The following ZNF658 variants were observed in gnomAD, a reference collection of about 807,000 sequenced individuals.
ZNF658 encodes zinc finger protein 658.
A neutral mutation model predicts 78.0 loss-of-function variants in ZNF658; 46 were observed. That is an observed-to-expected ratio of 0.59 (90% CI 0.47 to 0.75). ZNF658 has a LOEUF of 0.75. Ranked by LOEUF, ZNF658 falls within the 30% of genes least tolerant of loss-of-function variation. The probability of loss-of-function intolerance (pLI) is 0.00; values close to 1 mark genes in which losing one functional copy is unlikely to be tolerated. For missense variants in ZNF658, 785 were observed against 1,189.3 expected (o/e 0.66, Z 5.00); for synonymous variants, 279 against 408.4 (o/e 0.68, Z 3.82).
rs762500578 is a variant in ZNF658, at chr9:66,908,363, G to A, written c.141G>A (p.Val47=). Residue 47 remains valine (V), a splice_region_variant and synonymous_variant, in exon 3 of 5, where the codon GTG becomes GTA. Coordinates refer to ENST00000621410, the MANE Select transcript of ZNF658 (RefSeq NM_033160.7). The part of the protein sequence containing the change: ...MLENYSHLIS[V]GYCITKPKVI... ...AGAACTACAGCCACCTCATCTCAGT[G>A]GGTGAGCATAGCTTACCATGGGGCT... 10 of 1,614,088 alleles carry A rather than the reference G, an allele frequency of 6.2e-6. No individual in the cohort carries two copies. The highest frequency in any genetic ancestry group is 1.1e-5 in the South Asian group (1 of 91,072).
intron 4 of ZNF658, 115 bp from the exon 5 acceptor site, chr9:66,917,690 G>A (rs1822367387): frequency 1.1e-6 from 1 of 924,308 alleles, no homozygotes; most frequent in Non-Finnish European, 1.6e-6. Context: ...TCCAGCCTGG[G>A]TGACAGAGCA....
chr9:66,908,336 G>A lies in ZNF658; in HGVS notation c.114G>A (p.Leu38=), dbSNP rs1822129318. The A allele has an allele frequency of 6.2e-7, 1 of 1,614,070 alleles. No individual in the cohort carries two copies. Among genetic ancestry groups the A allele is most frequent in the Non-Finnish European group, 8.5e-7 (1 of 1,179,978 alleles). ...GGACGCTGTACAGAGATGTGATGCTGGAGAACTACAGCCACCTCATCTCAG... is the reference window on the plus strand; with the variant it reads ...GGACGCTGTACAGAGATGTGATGCTAGAGAACTACAGCCACCTCATCTCAG... ...VERTLYRDVM[L]ENYSHLISVG... is the part of the protein sequence containing the mutation. Residue 38 remains leucine (L), a synonymous_variant, in exon 3 of 5, where the codon CTG becomes CTA. Transcript: ENST00000621410.
chr9:66,904,732 C>T (rs1383941353), intron 2 of ZNF658, among the ~76,000 whole-genome samples: 1 of 152,168 alleles, frequency 6.6e-6, no homozygotes, highest in Admixed American at 6.5e-5. Context: ...TAACCTACTC[C>T]TCTATCTCCA....
chr9:66,904,707 G>A (rs1389947381), intron 2 of ZNF658, among the ~76,000 whole-genome samples: 1 of 152,002 alleles, frequency 6.6e-6, no homozygotes, highest in African/African-American at 2.4e-5. Flanking sequence ...TTCCCTCTGA[G>A]CCCCAAACAA....
chr9:66,909,825 T>G (rs1247945274), intron 4 of ZNF658, among the ~76,000 whole-genome samples: 2 of 152,194 alleles, frequency 1.3e-5, no homozygotes, highest in Non-Finnish European at 2.9e-5. Context: ...GCTAGGGCTA[T>G]CATAATAAAA....
At position 66,918,767 on chromosome 9, in the gene ZNF658, C is replaced by G; in HGVS notation, c.1201C>G (p.Gln401Glu). The G allele has an allele frequency of 6.2e-7, 1 of 1,613,958 alleles. No homozygotes were observed. The highest frequency in any genetic ancestry group is 8.5e-7 in the Non-Finnish European group (1 of 1,179,866). Residue 401 changes from glutamine to glutamate, a missense_variant, in exon 5 of 5, where the codon CAG becomes GAG. Around this residue, in one of 12 missense-constraint regions of ZNF658, gnomAD observed 393 missense variants for 400.2 expected, o/e 0.98. Coordinates refer to ENST00000621410, the MANE Select transcript of ZNF658 (RefSeq NM_033160.7). ...CTTTTACCGGAAAGCACACCTCATT[C>G]AGCATCAGAGGCCCCACTCAGGAGA... ...KSFYRKAHLI[Q>E]HQRPHSGEKT...
intron 4 of ZNF658, among the ~76,000 whole-genome samples, chr9:66,908,946 CA>C (rs1419264971): frequency 6.6e-6 from 1 of 152,192 alleles, no homozygotes; most frequent in Admixed American, 6.5e-5. Context: ...CATGTATAGA[CA>C]TTTTTTTCCT....
At chr9:66,915,496 T>C (rs1033738341) in intron 4 of ZNF658, among the ~76,000 whole-genome samples, 6 of 150,290 alleles carry the variant, frequency 4.0e-5, no homozygotes, top group African/African-American at 1.5e-4. Context: ...AAGAAGTGAG[T>C]GGTCTGTAAA....
rs545085875 is a variant in ZNF658, at chr9:66,902,308, G to A, written c.-44-1210G>A. ...ATATGACCGAGACCTCTTCTAGAGC[G>A]TCAGAGCAGAGGCAGAAGATTCTAG... On this transcript the variant is annotated intron_variant, in intron 1 of 4. Transcript: ENST00000621410. Among the ~76,000 whole-genome samples the A allele has an allele frequency of 1.3e-3, 172 of 132,972 alleles. 1 individual carries two copies. The highest frequency in any genetic ancestry group is 3.9e-3 in the African/African-American group (133 of 34,036). The allele number at this position is 132,972 out of a possible 152,430, so 87.2% of individuals were successfully genotyped here. A position where few individuals can be genotyped will look rare whatever the true frequency, so the allele number is the denominator to read the frequency against.
rs1225536513 is a variant in ZNF658, at chr9:66,920,260, A to G, written c.2694A>G (p.Arg898=). 7.5e-6 allele frequency: 12 copies of G among 1,610,558 alleles called. No individual in the cohort carries two copies. The highest frequency in any genetic ancestry group is 1.0e-5 in the Non-Finnish European group (12 of 1,178,200). ...GKTFSKTSHL[R]AHLRTRSGEK... is the part of the protein sequence containing the mutation. Reference sequence around the variant, plus strand: ...CTTTCTCCAAGACATCACATCTCAGAGCACATCTTAGAACTCGCTCAGGGG... The same window carrying G: ...CTTTCTCCAAGACATCACATCTCAGGGCACATCTTAGAACTCGCTCAGGGG... The change falls in exon 5 of 5, where the codon AGA becomes AGG. Residue 898 remains arginine, a synonymous_variant. Transcript: ENST00000621410.
At chr9:66,913,493 T>A (rs1320121664) in intron 4 of ZNF658, among the ~76,000 whole-genome samples, 2 of 151,724 alleles carry the variant, frequency 1.3e-5, no homozygotes, top group Non-Finnish European at 2.9e-5. Flanking sequence ...AGTGGGGAAC[T>A]GGACTTCCTT....
chr9:66,917,947 A>C lies in ZNF658; in HGVS notation c.381A>C (p.Ile127=). The C allele has an allele frequency of 6.2e-7, 1 of 1,610,514 alleles. No homozygotes were observed. Among genetic ancestry groups the C allele is most frequent in the Non-Finnish European group, 8.5e-7 (1 of 1,179,486 alleles). ...KVLEKPFNLE[I]APELSEKISC... is the part of the protein sequence containing the mutation. Reference sequence around the variant, plus strand: ...TAGAAAAACCATTTAATCTGGAAATAGCTCCAGAGCTTTCAGAAAAAATAT... The same window carrying C: ...TAGAAAAACCATTTAATCTGGAAATCGCTCCAGAGCTTTCAGAAAAAATAT... The change falls in exon 5 of 5, where the codon ATA becomes ATC. Residue 127 remains isoleucine (I), a synonymous_variant. Transcript: ENST00000621410.
Position 66,918,837 on chromosome 9 carries a change from G to T in ZNF658, c.1271G>T (p.Ser424Ile). 6.2e-7 allele frequency: 1 copy of T among 1,609,554 alleles called. No individual in the cohort carries two copies. Among genetic ancestry groups the T allele is most frequent in the Non-Finnish European group, 8.5e-7 (1 of 1,176,696 alleles). Residue 424 changes from serine (S) to isoleucine (I), a missense_variant, in exon 5 of 5, where the codon AGT (serine) becomes ATT (isoleucine). Transcript: ENST00000621410. ...YEECAKSFCS[S>I]SHPIQHPGTY... Reference sequence around the variant, plus strand: ...GAATGTGCAAAATCCTTTTGTTCAAGTTCACATCCTATTCAGCATCCTGGA... The same window carrying T: ...GAATGTGCAAAATCCTTTTGTTCAATTTCACATCCTATTCAGCATCCTGGA...
rs931659673 is a variant in ZNF658, at chr9:66,920,919, T to C, written c.*173T>C. 2.4e-5 allele frequency: 18 copies of C among 750,754 alleles called. No individual in the cohort carries two copies. The highest frequency in any genetic ancestry group is 3.6e-5 in the Non-Finnish European group (16 of 438,904). The allele number at this position is 750,754 out of a possible 1,614,324, so 46.5% of individuals were successfully genotyped here. On this transcript the variant is annotated 3_prime_UTR_variant, in exon 5 of 5. Transcript: ENST00000621410. Reference sequence around the variant, plus strand: ...CATGGGATGTGGTGCTAATGATAAATATTACATTTACCCTTGGCCCTTAAA... The same window carrying C: ...CATGGGATGTGGTGCTAATGATAAACATTACATTTACCCTTGGCCCTTAAA...
In ZNF658 at chr9:66,901,377, T is replaced by C. The variant is rs569067416; in HGVS notation, c.-45+541T>C. On this transcript the variant is annotated intron_variant, in intron 1 of 4. Transcript: ENST00000621410. Reference sequence around the variant, plus strand: ...CCCTGTCCTGCTCGTTCTAACATGCTGTCTGCCTGAAACCCAGACTTGCCA... The same window carrying C: ...CCCTGTCCTGCTCGTTCTAACATGCCGTCTGCCTGAAACCCAGACTTGCCA... 3.4e-3 allele frequency among the ~76,000 whole-genome samples: 510 copies of C among 152,226 alleles called. 1 individual carries two copies. Among genetic ancestry groups the C allele is most frequent in the Non-Finnish European group, 4.9e-3 (334 of 68,010 alleles).
intron 1 of ZNF658, chr9:66,901,174 G>A (rs1218608229): frequency 6.6e-6 from 1 of 151,980 alleles, no homozygotes; most frequent in Non-Finnish European, 1.5e-5. Flanking sequence ...TATGTGAAAT[G>A]TAAGCTGCTC....
At chr9:66,908,964 A>G (rs559759324) in intron 4 of ZNF658, among the ~76,000 whole-genome samples, 2 of 152,332 alleles carry the variant, frequency 1.3e-5, no homozygotes, top group East Asian at 3.9e-4. Flanking sequence ...TCCTGTCACT[A>G]TTCCCTGAAC....
chr9:66,901,733 C>A (rs1353010338), intron 1 of ZNF658, among the ~76,000 whole-genome samples: 1 of 151,896 alleles, frequency 6.6e-6, no homozygotes, highest in African/African-American at 2.4e-5. Context: ...TCACTTGAGG[C>A]CAGGAGTTCG....
rs1181816924 is a variant in ZNF658 at position 66,900,845 on chromosome 9, G to T, written c.-45+9G>T. 6.6e-6 allele frequency: 1 copy of T among 152,216 alleles called. No homozygotes were observed. The highest frequency in any genetic ancestry group is 1.9e-4 in the East Asian group (1 of 5,170). The allele number at this position is 152,216 out of a possible 1,614,324, so 9.4% of individuals were successfully genotyped here. On this transcript the variant is annotated intron_variant, in intron 1 of 4. Coordinates refer to ENST00000621410, the MANE Select transcript of ZNF658 (RefSeq NM_033160.7). Reference sequence around the variant, plus strand: ...GAGGCTGCGCACCTGGGGTGAGAGCGTCGGTGACAGGGCTCCGCGCGGCCC... The same window carrying T: ...GAGGCTGCGCACCTGGGGTGAGAGCTTCGGTGACAGGGCTCCGCGCGGCCC...
Sources: gnomAD v4.1 joint callset for allele counts (sites outside exome capture counted in the v4.1 genomes callset) on GRCh38, gnomAD v4.1.1 for gene constraint, gnomAD v4.1.1 regional missense constraint, MANE v1.5 for transcripts, NCBI Gene and HGNC (gene_info 2026-07-23, HGNC 2026-07-21) for gene names.